The following PTPRM variants were observed in gnomAD, a reference collection of about 807,000 sequenced individuals.
PTPRM encodes the protein receptor-type tyrosine-protein phosphatase mu.
PTPRM carries 47 observed loss-of-function variants against 186.7 expected under a neutral mutation model. The ratio of observed to expected loss-of-function variants is 0.25; its 90% confidence interval spans 0.20 to 0.32. The LOEUF is 0.32. Ranked by LOEUF, PTPRM falls within the 10% of genes least tolerant of loss-of-function variation. The pLI is 1.00. For synonymous variants in PTPRM, 668 were observed against 674.9 expected (o/e 0.99, Z 0.16); for missense variants, 1,494 against 1,865.0 (o/e 0.80, Z 3.66).
intron 14 of PTPRM, among the ~76,000 whole-genome samples, chr18:8,189,294 A>AC (rs2093680661): frequency 6.6e-6 from 1 of 151,532 alleles, no homozygotes; most frequent in South Asian, 2.1e-4. Flanking sequence ...GTCTCAAAAA[A>AC]AAAAAAAAAA....
chr18:7,739,574 C>G (rs975293184), intron 1 of PTPRM, among the ~76,000 whole-genome samples: 2 of 152,214 alleles, frequency 1.3e-5, no homozygotes, highest in Non-Finnish European at 2.9e-5. Flanking sequence ...CTTTTGCTTT[C>G]CCATTCTTCA....
chr18:8,289,882 G>A (rs2095023468), intron 19 of PTPRM, among the ~76,000 whole-genome samples: 1 of 152,088 alleles, frequency 6.6e-6, no homozygotes, highest in African/African-American at 2.4e-5. Context: ...TAGAAACCTA[G>A]TTCGTGTGTC....
chr18:8,384,468 A>G (rs890121214), intron 29 of PTPRM, 93 bp from the exon 30 acceptor site: 48 of 1,408,542 alleles, frequency 3.4e-5, no homozygotes, highest in Admixed American at 1.6e-4. Context: ...TTAAAAAAAA[A>G]GGATTACTGA....
intron 14 of PTPRM, among the ~76,000 whole-genome samples, chr18:8,199,526 A>G (rs1429333684): frequency 6.6e-6 from 1 of 152,244 alleles, no homozygotes; most frequent in Non-Finnish European, 1.5e-5. Flanking sequence ...GTGTAGCTCC[A>G]TAACAAAAGA....
At position 8,339,192 on chromosome 18, in the gene PTPRM, G is replaced by T. The variant is rs148941216; in HGVS notation, c.2957-4231G>T. 9.5e-3 allele frequency among the ~76,000 whole-genome samples: 1,427 copies of T among 149,682 alleles called. 7 individuals carry two copies. The highest frequency in any genetic ancestry group is 0.017 in the African/African-American group (662 of 40,102). ...ATGTTTTTTATTGAAAAAAAAAAAC[G>T]TTCCGCCCCCTTTTTTTTCCCTTTG... On this transcript the variant is annotated intron_variant, in intron 22 of 32. Coordinates refer to ENST00000580170, the MANE Select transcript of PTPRM (RefSeq NM_001105244.2).
At chr18:8,303,372 G>A (rs679561) in intron 20 of PTPRM, among the ~76,000 whole-genome samples, 39,927 of 152,004 alleles carry the variant, frequency 0.26, 8,611 homozygotes, top group African/African-American at 0.58. Flanking sequence ...GATTCTTCTA[G>A]CCAGTGAGCC....
At chr18:7,802,099 T>C (rs1252778020) in intron 2 of PTPRM, among the ~76,000 whole-genome samples, 5 of 152,158 alleles carry the variant, frequency 3.3e-5, no homozygotes, top group Non-Finnish European at 7.3e-5. Context: ...CCTTCTCCCC[T>C]CTCCCTTCTC....
chr18:7,642,334 T>C (rs1232083879), intron 1 of PTPRM, among the ~76,000 whole-genome samples: 5 of 152,202 alleles, frequency 3.3e-5, no homozygotes, highest in Non-Finnish European at 5.9e-5. Context: ...AGGGACAAGA[T>C]GTGTTCTTAA....
intron 1 of PTPRM, among the ~76,000 whole-genome samples, chr18:7,730,547 G>A (rs1246538751): frequency 1.3e-5 from 2 of 152,088 alleles, no homozygotes; most frequent in African/African-American, 4.8e-5. Context: ...GATTATTCTT[G>A]GATTATCCAC....
intron 14 of PTPRM, among the ~76,000 whole-genome samples, chr18:8,186,888 G>T (rs1418176804): frequency 6.6e-6 from 1 of 151,648 alleles, no homozygotes; most frequent in African/African-American, 2.4e-5. Context: ...CTGTCTGCAA[G>T]CTCATAATAG....
chr18:8,227,820 AT>A (rs2094232993), intron 14 of PTPRM, among the ~76,000 whole-genome samples: 3 of 152,184 alleles, frequency 2.0e-5, no homozygotes, highest in Admixed American at 6.5e-5. Flanking sequence ...CACATGTGGA[AT>A]TCAGCAGCAT....
At chr18:8,052,399 C>T (rs936607554) in intron 7 of PTPRM, among the ~76,000 whole-genome samples, 22 of 152,100 alleles carry the variant, frequency 1.4e-4, no homozygotes, top group African/African-American at 5.1e-4. Context: ...TTCACTGTAC[C>T]GTTTCTATGT....
intron 7 of PTPRM, among the ~76,000 whole-genome samples, chr18:7,973,596 T>A (rs2054723894): frequency 6.6e-6 from 1 of 152,200 alleles, no homozygotes; most frequent in South Asian, 2.1e-4. Flanking sequence ...TAGGGTTATT[T>A]ACCATTTGTC....
chr18:7,953,028 C>T (rs776554364), intron 6 of PTPRM, among the ~76,000 whole-genome samples: 3 of 152,162 alleles, frequency 2.0e-5, no homozygotes, highest in African/African-American at 7.2e-5. Flanking sequence ...TAAATGTTGC[C>T]GTATTCTTGT....
At chr18:7,689,542 C>T (rs540839921) in intron 1 of PTPRM, among the ~76,000 whole-genome samples, 13 of 152,208 alleles carry the variant, frequency 8.5e-5, no homozygotes, top group Non-Finnish European at 1.8e-4. Flanking sequence ...TACAGTTAAG[C>T]CCTATGGCCT....
At chr18:7,992,992 T>G (rs2147652663) in intron 7 of PTPRM, among the ~76,000 whole-genome samples, 1 of 152,028 alleles carries the variant, frequency 6.6e-6, no homozygotes, top group South Asian at 2.1e-4. Flanking sequence ...AATGAGCATC[T>G]GTTACCATCC....
intron 30 of PTPRM, among the ~76,000 whole-genome samples, chr18:8,385,735 A>G (rs564051193): frequency 5.0e-4 from 76 of 152,286 alleles, no homozygotes; most frequent in African/African-American, 1.7e-3. Context: ...GGAAATAAGG[A>G]GCCATTACAG....
chr18:8,065,740 A>G (rs9953560), intron 7 of PTPRM, among the ~76,000 whole-genome samples: 3,267 of 152,312 alleles, frequency 0.021, 107 homozygotes, highest in African/African-American at 0.074. Flanking sequence ...AATACCATTT[A>G]TTACCCTTTT....
intron 2 of PTPRM, among the ~76,000 whole-genome samples, chr18:7,824,791 C>A (rs1240173448): frequency 6.6e-6 from 1 of 152,180 alleles, no homozygotes; most frequent in Non-Finnish European, 1.5e-5. Flanking sequence ...CATGCTTTGC[C>A]TAAGCTGACT....
Sources: allele counts gnomAD v4.1 joint callset (sites outside exome capture counted in the v4.1 genomes callset), GRCh38; gene constraint gnomAD v4.1.1; transcripts MANE v1.5; gene names NCBI Gene and HGNC (gene_info 2026-07-23, HGNC 2026-07-21).